CADPS: variants seen among roughly 807,000 people sequenced by gnomAD.
CADPS encodes the protein calcium dependent secretion activator.
A neutral mutation model predicts 167.3 loss-of-function variants in CADPS; 57 were observed. The observed-to-expected ratio is 0.34, with a 90% CI of 0.28 to 0.42. The LOEUF (loss-of-function observed/expected upper bound fraction) is 0.42, where lower values mean the gene tolerates loss of function less well. Ranked by LOEUF, CADPS falls within the 20% of genes least tolerant of loss-of-function variation. The pLI is 1.00. For synonymous variants in CADPS, 676 were observed against 635.3 expected (o/e 1.06, Z -0.96); for missense variants, 1,414 against 1,738.1 (o/e 0.81, Z 3.32).
intron 1 of CADPS, among the ~76,000 whole-genome samples, chr3:62,858,376 T>G (rs1310034039): frequency 1.3e-5 from 2 of 152,208 alleles, no homozygotes; most frequent in South Asian, 2.1e-4. Context: ...GCCCCAAAAC[T>G]TCTCCCCTAA....
intron 26 of CADPS, 100 bp from the exon 27 acceptor site, chr3:62,445,897 C>T: frequency 2.6e-6 from 2 of 762,894 alleles, no homozygotes; most frequent in Non-Finnish European, 3.9e-6. Flanking sequence ...AACATGCTGG[C>T]ACATGGAGCT....
At chr3:62,832,863 C>T (rs1450115948) in intron 1 of CADPS, among the ~76,000 whole-genome samples, 1 of 152,238 alleles carries the variant, frequency 6.6e-6, no homozygotes, top group Non-Finnish European at 1.5e-5. Flanking sequence ...AAGAAGGGGG[C>T]CATCTGCTTC....
At chr3:62,436,176 A>T (rs988870164) in intron 28 of CADPS, among the ~76,000 whole-genome samples, 2 of 152,102 alleles carry the variant, frequency 1.3e-5, no homozygotes, top group Admixed American at 6.6e-5. Flanking sequence ...TTGTACTTCT[A>T]ATTTCAAAAA....
At chr3:62,624,203 T>C (rs1191793743) in intron 6 of CADPS, among the ~76,000 whole-genome samples, 2 of 138,486 alleles carry the variant, frequency 1.4e-5, no homozygotes, top group African/African-American at 5.0e-5. Context: ...AGTAGGGAAA[T>C]TTTAGGTAGT....
chr3:62,418,683 A>G (rs2050699468), intron 28 of CADPS, among the ~76,000 whole-genome samples: 2 of 151,746 alleles, frequency 1.3e-5, no homozygotes, highest in South Asian at 2.1e-4. Context: ...CCCTATTAAT[A>G]TCAACTTAAA....
chr3:62,647,056 C>T (rs1455101228), intron 5 of CADPS, among the ~76,000 whole-genome samples: 4 of 151,828 alleles, frequency 2.6e-5, no homozygotes, highest in Admixed American at 6.6e-5. Context: ...CACAAGAGAC[C>T]GGGGAGGGAG....
intron 1 of CADPS, among the ~76,000 whole-genome samples, chr3:62,773,081 T>C (rs1310202943): frequency 2.0e-5 from 3 of 151,820 alleles, no homozygotes; most frequent in African/African-American, 7.3e-5. Context: ...AACAAGTGTT[T>C]AAAAATCATC....
chr3:62,582,910 A>G (rs115533455), intron 8 of CADPS, among the ~76,000 whole-genome samples: 1,918 of 152,328 alleles, frequency 0.013, 41 homozygotes, highest in African/African-American at 0.042. Context: ...TAGCAGAGTG[A>G]ATGAAGAGAA....
chr3:62,421,260 G>A lies in CADPS; in HGVS notation c.3777+16844C>T, dbSNP rs1276328487. Among the ~76,000 whole-genome samples, 1 of 141,648 alleles carries A rather than the reference G, an allele frequency of 7.1e-6. No homozygotes were observed. Among genetic ancestry groups the A allele is most frequent in the South Asian group, 2.2e-4 (1 of 4,506 alleles). 92.9% of individuals were successfully genotyped at this position (141,648 alleles called of 152,430 possible). On this transcript the variant is annotated intron_variant, in intron 28 of 29. Coordinates refer to ENST00000383710, the MANE Select transcript of CADPS (RefSeq NM_003716.4). This position sits in a 1 kb window ranked among gnomAD's most constrained non-coding sequence, Gnocchi z 4.7. ...TCCTCCCCACACCCCCCACCCTTTT[G>A]AGGTGACAGAATAAGAAATTAAACA...
chr3:62,605,210 A>G (rs2060528364), intron 6 of CADPS, among the ~76,000 whole-genome samples: 1 of 151,488 alleles, frequency 6.6e-6, no homozygotes, highest in African/African-American at 2.4e-5. Flanking sequence ...TTGCATTCCA[A>G]CCAGCTTCTC....
chr3:62,497,889 G>A (rs141077809), intron 18 of CADPS, among the ~76,000 whole-genome samples: 25 of 152,300 alleles, frequency 1.6e-4, no homozygotes, highest in African/African-American at 3.6e-4. Flanking sequence ...GGTAGGAGGC[G>A]TTGTGTTGGG....
chr3:62,757,221 G>A (rs1424779461), intron 2 of CADPS, among the ~76,000 whole-genome samples: 2 of 152,122 alleles, frequency 1.3e-5, no homozygotes, highest in Non-Finnish European at 2.9e-5. Flanking sequence ...CTACATCTAT[G>A]CACATTAGTA....
intron 26 of CADPS, among the ~76,000 whole-genome samples, chr3:62,456,869 A>G (rs1049922400): frequency 1.3e-5 from 2 of 152,280 alleles, no homozygotes; most frequent in Admixed American, 1.3e-4. Flanking sequence ...TAGGCTACCA[A>G]TGTGACATCC....
At chr3:62,667,037 G>GTTTTT (rs35606285) in intron 3 of CADPS, among the ~76,000 whole-genome samples, 6 of 133,722 alleles carry the variant, frequency 4.5e-5, no homozygotes, top group African/African-American at 1.1e-4. Flanking sequence ...TTCCAATCTT[G>GTTTTT]TTTTTTTTTT....
intron 1 of CADPS, among the ~76,000 whole-genome samples, chr3:62,867,634 A>T (rs940578114): frequency 6.6e-6 from 1 of 152,064 alleles, no homozygotes; most frequent in Non-Finnish European, 1.5e-5. Flanking sequence ...AAACTCCTCC[A>T]TACTGTTTCA....
chr3:62,551,745 C>T (rs1396337806), intron 10 of CADPS, among the ~76,000 whole-genome samples: 1 of 152,168 alleles, frequency 6.6e-6, no homozygotes, highest in African/African-American at 2.4e-5. Context: ...CTTGAACACC[C>T]CAGGCATGTG....
At chr3:62,803,271 TA>T (rs1289974741) in intron 1 of CADPS, among the ~76,000 whole-genome samples, 1 of 151,278 alleles carries the variant, frequency 6.6e-6, no homozygotes, top group Non-Finnish European at 1.5e-5. Context: ...GAAAGCTTAT[TA>T]AAGAGCCTGT....
chr3:62,541,132 T>G (rs2075616722), intron 11 of CADPS, among the ~76,000 whole-genome samples: 1 of 152,156 alleles, frequency 6.6e-6, no homozygotes. Context: ...AATGCTCTTT[T>G]TCATTAACCG....
intron 1 of CADPS, among the ~76,000 whole-genome samples, chr3:62,830,792 T>G (rs993662342): frequency 2.0e-5 from 3 of 152,150 alleles, no homozygotes; most frequent in Non-Finnish European, 4.4e-5. Context: ...ATTAGATTAT[T>G]CTTACCTTCT....
Sources: gnomAD v4.1 joint callset for allele counts (sites outside exome capture counted in the v4.1 genomes callset) on GRCh38, gnomAD v4.1.1 for gene constraint, Gnocchi (gnomAD v3.1) non-coding constraint, MANE v1.5 for transcripts, NCBI Gene and HGNC (gene_info 2026-07-23, HGNC 2026-07-21) for gene names.